The following CCND3 variants were observed in gnomAD, a reference collection of about 807,000 sequenced individuals.
CCND3 encodes cyclin D3.
A neutral mutation model predicts 28.7 loss-of-function variants in CCND3; 9 were observed. That is an observed-to-expected ratio of 0.31 (90% CI 0.19 to 0.55). CCND3 has a LOEUF of 0.55. Ranked by LOEUF, CCND3 falls within the 20% of genes least tolerant of loss-of-function variation. CCND3 has a pLI of 0.93. For missense variants in CCND3, 315 were observed against 385.8 expected (o/e 0.82, Z 1.54); for synonymous variants, 164 against 163.9 (o/e 1.00, Z 0.00).
chr6:42,037,401 C>A (rs1405092291), intron 1 of CCND3, among the ~76,000 whole-genome samples: 1 of 151,302 alleles, frequency 6.6e-6, no homozygotes, highest in Non-Finnish European at 1.5e-5. Context: ...CCATGCCCAG[C>A]TAATTTTTGT....
intron 1 of CCND3, among the ~76,000 whole-genome samples, chr6:42,034,473 T>C (rs1764142195): frequency 9.4e-6 from 1 of 106,546 alleles, no homozygotes; most frequent in Non-Finnish European, 1.9e-5. Context: ...TCACTCTTTT[T>C]TTTTTTTTTT....
intron 1 of CCND3, among the ~76,000 whole-genome samples, chr6:42,000,418 T>C (rs1171889846): frequency 1.3e-5 from 2 of 150,722 alleles, no homozygotes; most frequent in African/African-American, 4.9e-5. Flanking sequence ...TTTTTTGTAT[T>C]TTTAGTAGAG....
intron 1 of CCND3, among the ~76,000 whole-genome samples, chr6:41,999,375 A>G (rs1460861463): frequency 2.0e-5 from 3 of 151,998 alleles, no homozygotes; most frequent in South Asian, 4.2e-4. Flanking sequence ...CAGCCTCCCA[A>G]GTAGCTGGGA....
At chr6:41,950,740 T>C (rs1357434903) in intron 1 of CCND3, among the ~76,000 whole-genome samples, 2 of 148,362 alleles carry the variant, frequency 1.3e-5, no homozygotes, top group East Asian at 4.0e-4. Context: ...ATGGAGTCTC[T>C]CTCTGTCACC....
chr6:42,043,673 G>A (rs1020836833), intron 1 of CCND3, among the ~76,000 whole-genome samples: 3 of 152,224 alleles, frequency 2.0e-5, no homozygotes, highest in African/African-American at 7.2e-5. Flanking sequence ...ACTCCAGCCT[G>A]GGCGACAGAG....
In CCND3 at chr6:42,041,775, C is replaced by T. The variant is rs147368576; in HGVS notation, c.-46+6726G>A. On this transcript the variant is annotated intron_variant, in intron 1 of 4. Transcript: ENST00000372988. ...TAACAAACCAGAGCTTAAGACTTTG[C>T]GAATAATAAACAGACGTCTTCCCAG... is the stretch of plus-strand genomic sequence containing the variant. Among the ~76,000 whole-genome samples the T allele has an allele frequency of 1.9e-3, 288 of 152,294 alleles. 8 individuals are homozygous for T. The highest frequency in any genetic ancestry group is 0.017 in the Admixed American group (255 of 15,292).
In CCND3 at chr6:41,957,757, C is replaced by G. The variant is rs567478247; in HGVS notation, c.-45-17172G>C. ...CTGCCTCTCTGCTCAGGCAATTCCC[C>G]TGTTTGGATAGTCTTTCCCAACCTG... is the stretch of plus-strand genomic sequence containing the variant. On this transcript the variant is annotated intron_variant, in intron 1 of 4. Transcript: ENST00000372988. Among the ~76,000 whole-genome samples, 14 of 152,314 alleles carry G rather than the reference C, an allele frequency of 9.2e-5. 1 individual carries two copies. The South Asian group carries it at 2.9e-3, about 32-fold the overall frequency.
Position 41,935,730 on chromosome 6 carries a change from G to C in CCND3, c.*210C>G, listed in dbSNP as rs975916042. ...CGCTGCTGGTCAGATGCAGGGAGGA[G>C]GAGCTTGACTAGCCACCGAAATGCA... is the stretch of plus-strand genomic sequence containing the variant. On this transcript the variant is annotated 3_prime_UTR_variant, in exon 5 of 5. Coordinates refer to ENST00000372991, the MANE Select transcript of CCND3 (RefSeq NM_001760.5). The C allele has an allele frequency of 7.7e-5, 44 of 571,690 alleles. No homozygotes were observed. The highest frequency in any genetic ancestry group is 1.2e-4 in the Non-Finnish European group (39 of 318,712). 35.4% of individuals were successfully genotyped at this position (571,690 alleles called of 1,614,324 possible). A position where few individuals can be genotyped will look rare whatever the true frequency, so the allele number is the denominator to read the frequency against.
intron 1 of CCND3, among the ~76,000 whole-genome samples, chr6:41,962,083 C>T (rs900662538): frequency 2.0e-4 from 31 of 152,176 alleles, no homozygotes; most frequent in African/African-American, 7.5e-4. Context: ...CTGTGCTCCC[C>T]ACAACTGCCC....
chr6:41,979,461 G>C (rs1320749481), intron 1 of CCND3, among the ~76,000 whole-genome samples: 1 of 150,134 alleles, frequency 6.7e-6, no homozygotes, highest in Non-Finnish European at 1.5e-5. Flanking sequence ...ATGAACCTGG[G>C]AGGTGGAGCT....
chr6:42,047,857 G>C (rs1764590852), intron 1 of CCND3: 2 of 152,256 alleles, frequency 1.3e-5, no homozygotes, highest in Admixed American at 1.3e-4. Flanking sequence ...AGCCACCCCA[G>C]CCAGTGTACT....
chr6:42,041,985 G>A (rs548123389), intron 1 of CCND3, among the ~76,000 whole-genome samples: 1 of 152,338 alleles, frequency 6.6e-6, no homozygotes, highest in African/African-American at 2.4e-5. Context: ...AGAAGGAAGA[G>A]AACAGAGAAC....
chr6:41,995,557 A>T (rs148744171), intron 1 of CCND3, among the ~76,000 whole-genome samples: 104 of 152,264 alleles, frequency 6.8e-4, no homozygotes, highest in African/African-American at 2.3e-3. Flanking sequence ...CACATGCCCA[A>T]AGTATTTCTA....
intron 1 of CCND3, among the ~76,000 whole-genome samples, chr6:41,975,122 G>A (rs1762139705): frequency 6.6e-6 from 1 of 151,842 alleles, no homozygotes; most frequent in South Asian, 2.1e-4. Flanking sequence ...ACAGAATTAG[G>A]GTAATTCATA....
At chr6:42,034,615 C>T (rs568622627) in intron 1 of CCND3, among the ~76,000 whole-genome samples, 2 of 151,282 alleles carry the variant, frequency 1.3e-5, no homozygotes, top group African/African-American at 4.9e-5. Flanking sequence ...GTAGCTGGGA[C>T]TACAGGCTCG....
At chr6:41,999,999 A>C (rs994072696) in intron 1 of CCND3, among the ~76,000 whole-genome samples, 3 of 152,044 alleles carry the variant, frequency 2.0e-5, no homozygotes, top group Non-Finnish European at 4.4e-5. Flanking sequence ...AGATGATTTC[A>C]CCATAAGCTT....
chr6:41,957,306 TAA>T (rs2127402400), intron 1 of CCND3, among the ~76,000 whole-genome samples: 1 of 152,254 alleles, frequency 6.6e-6, no homozygotes, highest in South Asian at 2.1e-4. Flanking sequence ...AGGTTAAATT[TAA>T]AAGACAACCA....
intron 1 of CCND3, among the ~76,000 whole-genome samples, chr6:41,983,434 C>T (rs1047438912): frequency 6.6e-6 from 1 of 151,230 alleles, no homozygotes; most frequent in African/African-American, 2.4e-5. Context: ...TACTATCATG[C>T]TAATTAACAT....
intron 1 of CCND3, among the ~76,000 whole-genome samples, chr6:42,043,577 T>C (rs1346588082): frequency 6.6e-6 from 1 of 151,324 alleles, no homozygotes; most frequent in Non-Finnish European, 1.5e-5. Context: ...CCACGCGTGT[T>C]GTCCCAGCTA....
Sources: gnomAD v4.1 joint callset for allele counts (sites outside exome capture counted in the v4.1 genomes callset) on GRCh38, gnomAD v4.1.1 for gene constraint, MANE v1.5 for transcripts, NCBI Gene and HGNC (gene_info 2026-07-23, HGNC 2026-07-21) for gene names.